The following HCN1 variants were observed in gnomAD, a reference collection of about 807,000 sequenced individuals.
The protein encoded by HCN1 is potassium/sodium hyperpolarization-activated cyclic nucleotide-gated channel 1.
HCN1 carries 13 observed loss-of-function variants against 78.9 expected under a neutral mutation model. The observed-to-expected ratio is 0.16, with a 90% CI of 0.11 to 0.26. HCN1 has a LOEUF of 0.26. Ranked by LOEUF, HCN1 falls within the 10% of genes least tolerant of loss-of-function variation. HCN1 has a pLI of 1.00. For missense variants in HCN1, 810 were observed against 1,154.3 expected, an observed-to-expected ratio of 0.70 and a Z score of 4.32; for synonymous variants, 552 against 455.5, an observed-to-expected ratio of 1.21 and a Z score of -2.70.
At chr5:45,279,353 G>A (rs1212200556) in intron 6 of HCN1, among the ~76,000 whole-genome samples, 1 of 152,118 alleles carries the variant, frequency 6.6e-6, no homozygotes, top group Non-Finnish European at 1.5e-5. Flanking sequence ...CTTAACTGAG[G>A]TGTGATACAT....
chr5:45,444,301 A>G (rs998241850), intron 3 of HCN1, among the ~76,000 whole-genome samples: 2 of 152,196 alleles, frequency 1.3e-5, no homozygotes, highest in African/African-American at 4.8e-5. Context: ...TAGTTTTGAA[A>G]GCATCATTTC....
At chr5:45,650,716 G>C (rs1016226854) in intron 1 of HCN1, among the ~76,000 whole-genome samples, 1 of 151,922 alleles carries the variant, frequency 6.6e-6, no homozygotes, top group East Asian at 1.9e-4. Context: ...TTCTAGAAGA[G>C]ATAAAGTGGC....
chr5:45,539,950 AT>A (rs1306952677), intron 2 of HCN1, among the ~76,000 whole-genome samples: 43 of 99,908 alleles, frequency 4.3e-4, no homozygotes, highest in South Asian at 1.3e-3. Flanking sequence ...ATATATATAT[AT>A]ATATATATAA....
intron 2 of HCN1, among the ~76,000 whole-genome samples, chr5:45,516,288 C>A (rs1742514931): frequency 6.6e-6 from 1 of 151,916 alleles, no homozygotes; most frequent in Admixed American, 6.6e-5. Context: ...CCTTAAACTA[C>A]TAGAGTACTT....
chr5:45,493,467 T>C (rs1008702120), intron 2 of HCN1, among the ~76,000 whole-genome samples: 38 of 152,270 alleles, frequency 2.5e-4, no homozygotes, highest in African/African-American at 8.4e-4. Context: ...TACACTAAAA[T>C]ATCTATGTTT....
chr5:45,563,534 T>C (rs1255328536), intron 2 of HCN1, among the ~76,000 whole-genome samples: 2 of 151,994 alleles, frequency 1.3e-5, no homozygotes, highest in African/African-American at 2.4e-5. Flanking sequence ...GAACAATATG[T>C]TGAAAGTGAT....
intron 5 of HCN1, among the ~76,000 whole-genome samples, chr5:45,318,779 A>T (rs1037770814): frequency 8.6e-5 from 13 of 151,870 alleles, no homozygotes; most frequent in Non-Finnish European, 1.3e-4. Flanking sequence ...GTCATTTTTT[A>T]AAAAATATAT....
intron 2 of HCN1, among the ~76,000 whole-genome samples, chr5:45,465,196 T>C (rs1579912233): frequency 6.6e-6 from 1 of 152,130 alleles, no homozygotes; most frequent in African/African-American, 2.4e-5. Context: ...TTAATAATAA[T>C]AACATAAATA....
At chr5:45,425,972 T>G (rs1489515915) in intron 3 of HCN1, among the ~76,000 whole-genome samples, 6 of 152,142 alleles carry the variant, frequency 3.9e-5, no homozygotes, top group Admixed American at 3.3e-4. Context: ...AAAAATGAGC[T>G]GATTAATGGT....
intron 6 of HCN1, among the ~76,000 whole-genome samples, chr5:45,297,309 C>T (rs1043261358): frequency 3.3e-5 from 5 of 152,088 alleles, no homozygotes; most frequent in African/African-American, 1.2e-4. Context: ...CTGGGCGGGC[C>T]AGGTGTTCCT....
chr5:45,281,349 T>C (rs1441056853), intron 6 of HCN1, among the ~76,000 whole-genome samples: 2 of 152,030 alleles, frequency 1.3e-5, no homozygotes, highest in Non-Finnish European at 2.9e-5. Flanking sequence ...ATGTATAGTA[T>C]GTGCCTATTT....
In HCN1 at chr5:45,688,938, T is replaced by C. The variant is rs538842434; in HGVS notation, c.425+6731A>G. Among the ~76,000 whole-genome samples the C allele has an allele frequency of 1.2e-3, 183 of 151,986 alleles. 1 individual carries two copies. The highest frequency in any genetic ancestry group is 4.3e-3 in the African/African-American group (178 of 41,488). On this transcript the variant is annotated intron_variant, in intron 1 of 7. Transcript: ENST00000303230. ...ATAAAATATTCAGAATAAGCAAAAA[T>C]CTACAGAGACAGAGAGAGGATTAGT... is the stretch of plus-strand genomic sequence containing the variant.
At chr5:45,585,358 T>C (rs1383689218) in intron 2 of HCN1, among the ~76,000 whole-genome samples, 1 of 152,232 alleles carries the variant, frequency 6.6e-6, no homozygotes, top group Non-Finnish European at 1.5e-5. Flanking sequence ...GTAGTTCTCG[T>C]GCCATGGTTT....
At chr5:45,374,104 TATTA>T (rs1747525768) in intron 4 of HCN1, among the ~76,000 whole-genome samples, 1 of 103,376 alleles carries the variant, frequency 9.7e-6, no homozygotes, top group Non-Finnish European at 1.8e-5. Flanking sequence ...ATATAATATA[TATTA>T]TATACATAAT....
intron 2 of HCN1, among the ~76,000 whole-genome samples, chr5:45,552,157 A>C (rs968355141): frequency 6.6e-6 from 1 of 151,972 alleles, no homozygotes; most frequent in Non-Finnish European, 1.5e-5. Context: ...AAGCTGGTCT[A>C]TAAATAACAT....
At chr5:45,569,809 G>A (rs1468138454) in intron 2 of HCN1, among the ~76,000 whole-genome samples, 3 of 151,716 alleles carry the variant, frequency 2.0e-5, no homozygotes, top group Non-Finnish European at 4.4e-5. Context: ...GATTATGTGG[G>A]CATCATTATT....
At chr5:45,521,871 T>C (rs1180256410) in intron 2 of HCN1, among the ~76,000 whole-genome samples, 1 of 152,036 alleles carries the variant, frequency 6.6e-6, no homozygotes, top group Non-Finnish European at 1.5e-5. Context: ...AAGGGAATTA[T>C]TATGTTTGGT....
At position 45,376,011 on chromosome 5, in the gene HCN1, T is replaced by G. The variant is rs1385540985; in HGVS notation, c.1230+20481A>C. On this transcript the variant is annotated intron_variant, in intron 4 of 7. Transcript: ENST00000303230. ...ATATGATATAATATTTTATAATATT[T>G]TATCATATACAATCTATAATATAAT... Among the ~76,000 whole-genome samples the G allele has an allele frequency of 2.4e-4, 28 of 116,846 alleles. No individual in the cohort carries two copies. The East Asian group carries it at 6.4e-3, about 27-fold the overall frequency. 76.7% of individuals were successfully genotyped at this position (116,846 alleles called of 152,430 possible). A position where few individuals can be genotyped will look rare whatever the true frequency, so the allele number is the denominator to read the frequency against.
At chr5:45,515,918 C>G (rs1742509387) in intron 2 of HCN1, among the ~76,000 whole-genome samples, 1 of 151,928 alleles carries the variant, frequency 6.6e-6, no homozygotes. Flanking sequence ...AAAAATGCCT[C>G]TTTCTTTTCA....
Sources: gnomAD v4.1 joint callset for allele counts (sites outside exome capture counted in the v4.1 genomes callset) on GRCh38, gnomAD v4.1.1 for gene constraint, MANE v1.5 for transcripts, NCBI Gene and HGNC (gene_info 2026-07-23, HGNC 2026-07-21) for gene names.